The following LINGO2 variants were observed in gnomAD, a reference collection of about 807,000 sequenced individuals.
The protein encoded by LINGO2 is leucine rich repeat and Ig domain containing 2.
In LINGO2, 14 loss-of-function variants were observed where a neutral mutation model predicts 30.6. The ratio of observed to expected loss-of-function variants is 0.46; its 90% CI spans 0.30 to 0.72. The LOEUF is 0.72. LINGO2 is among the 30% of genes least tolerant of loss of function. LINGO2 has a pLI of 0.07. For synonymous variants in LINGO2, 317 were observed against 288.5 expected, an observed-to-expected ratio of 1.10 and a Z score of -1.00; for missense variants, 729 against 751.7, an observed-to-expected ratio of 0.97 and a Z score of 0.35.
At chr9:27,976,675 G>T (rs896488333) in intron 5 of LINGO2, among the ~76,000 whole-genome samples, 6 of 151,846 alleles carry the variant, frequency 4.0e-5, no homozygotes, top group Non-Finnish European at 5.9e-5. Flanking sequence ...CTCTACTTTT[G>T]CCCACTATAC....
intron 4 of LINGO2, among the ~76,000 whole-genome samples, chr9:28,028,991 G>A (rs1332664028): frequency 8.5e-5 from 13 of 152,140 alleles, no homozygotes; most frequent in Non-Finnish European, 1.5e-5. Context: ...CTTATTGGGT[G>A]CTTCTTAGGG....
In LINGO2 at chr9:28,308,725, A is replaced by C. The variant is rs947845831; in HGVS notation, c.-245-13359T>G. On this transcript the variant is annotated intron_variant, in intron 3 of 5. Coordinates refer to ENST00000379992, the Ensembl canonical transcript of LINGO2. The stretch of plus-strand genomic sequence containing the variant: ...TCCAGAATCTACAATGAACTCAAAC[A>C]AATTTACAAGAAAAAAACAAACAAC... Among the ~76,000 whole-genome samples, 15 of 151,666 alleles carry C rather than the reference A, an allele frequency of 9.9e-5. 1 individual carries two copies. Among genetic ancestry groups the C allele is most frequent in the East Asian group, 2.0e-4 (1 of 5,082 alleles).
At chr9:29,147,088 G>A in the LINGO2 span, among the ~76,000 whole-genome samples, 4 of 152,070 alleles carry the variant, frequency 2.6e-5, no homozygotes, top group Admixed American at 2.0e-4. Context: ...AATGAGAATT[G>A]TAAAGCATGT....
At chr9:28,739,074 G>T in the LINGO2 span, among the ~76,000 whole-genome samples, 1 of 151,832 alleles carries the variant, frequency 6.6e-6, no homozygotes, top group Non-Finnish European at 1.5e-5. Context: ...ATTTATAAAA[G>T]TCCATTCCAA....
At chr9:28,127,287 G>A (rs1230855324) in intron 4 of LINGO2, among the ~76,000 whole-genome samples, 1 of 152,116 alleles carries the variant, frequency 6.6e-6, no homozygotes, top group African/African-American at 2.4e-5. Flanking sequence ...CGGGGCCTTG[G>A]AGTGTTTGCT....
chr9:28,489,036 C>A (rs1826282534), intron 1 of LINGO2, among the ~76,000 whole-genome samples: 1 of 152,220 alleles, frequency 6.6e-6, no homozygotes, highest in East Asian at 1.9e-4. Context: ...TCAAGAACTG[C>A]AAAGATGTTT....
At chr9:28,954,702 CTCCCAT>C in the LINGO2 span, among the ~76,000 whole-genome samples, 1 of 152,166 alleles carries the variant, frequency 6.6e-6, no homozygotes, top group Non-Finnish European at 1.5e-5. Context: ...ATCTTGGGAA[CTCCCAT>C]GGTACACGGA....
the LINGO2 span, among the ~76,000 whole-genome samples, chr9:28,914,418 A>G: frequency 6.6e-6 from 1 of 152,238 alleles, no homozygotes; most frequent in South Asian, 2.1e-4. Context: ...ACCTATATCA[A>G]GAAGCATTTA....
the LINGO2 span, among the ~76,000 whole-genome samples, chr9:29,189,239 C>T: frequency 6.6e-6 from 1 of 151,210 alleles, no homozygotes; most frequent in Admixed American, 6.6e-5. Context: ...GAGCCCCTCA[C>T]CTCCCGGACG....
At chr9:29,043,594 TC>T in the LINGO2 span, among the ~76,000 whole-genome samples, 1 of 152,034 alleles carries the variant, frequency 6.6e-6, no homozygotes, top group Non-Finnish European at 1.5e-5. Flanking sequence ...GGCATGCATT[TC>T]ATTATTACTA....
the LINGO2 span, among the ~76,000 whole-genome samples, chr9:29,191,731 C>G: frequency 6.6e-6 from 1 of 152,090 alleles, no homozygotes; most frequent in African/African-American, 2.4e-5. Context: ...ATGCATGTTT[C>G]GCTATTCACT....
At chr9:29,157,539 T>C in the LINGO2 span, among the ~76,000 whole-genome samples, 2 of 152,180 alleles carry the variant, frequency 1.3e-5, no homozygotes, top group African/African-American at 4.8e-5. Flanking sequence ...GCAATTTCCA[T>C]TAGGCCTAGA....
chr9:28,834,362 T>C, the LINGO2 span, among the ~76,000 whole-genome samples: 1 of 152,216 alleles, frequency 6.6e-6, no homozygotes, highest in Non-Finnish European at 1.5e-5. Flanking sequence ...TAATTCTTAA[T>C]GTGAATTTCC....
At chr9:28,484,676 C>T (rs1003441980) in intron 1 of LINGO2, among the ~76,000 whole-genome samples, 1 of 151,966 alleles carries the variant, frequency 6.6e-6, no homozygotes, top group African/African-American at 2.4e-5. Flanking sequence ...ACATGGAACA[C>T]CATGAGAATA....
chr9:29,078,265 T>C, the LINGO2 span, among the ~76,000 whole-genome samples: 1 of 151,936 alleles, frequency 6.6e-6, no homozygotes, highest in Admixed American at 6.6e-5. Context: ...ATTTAGTTAG[T>C]GCTGAATGGA....
At chr9:28,321,565 T>A (rs944351253) in intron 3 of LINGO2, among the ~76,000 whole-genome samples, 3 of 152,106 alleles carry the variant, frequency 2.0e-5, no homozygotes, top group African/African-American at 7.2e-5. Context: ...CTAAAGAGAA[T>A]GTACTGGAAA....
chr9:29,192,511 C>T, the LINGO2 span, among the ~76,000 whole-genome samples: 1 of 152,002 alleles, frequency 6.6e-6, no homozygotes, highest in Non-Finnish European at 1.5e-5. Flanking sequence ...AGAAACACAA[C>T]TAATCTCTTA....
At chr9:28,436,041 A>T (rs1823907785) in intron 2 of LINGO2, among the ~76,000 whole-genome samples, 2 of 152,120 alleles carry the variant, frequency 1.3e-5, no homozygotes, top group Non-Finnish European at 2.9e-5. Context: ...CAAGATTACT[A>T]ACTTGGGGGT....
chr9:28,085,799 G>T (rs1466224445), intron 4 of LINGO2, among the ~76,000 whole-genome samples: 1 of 152,060 alleles, frequency 6.6e-6, no homozygotes, highest in Non-Finnish European at 1.5e-5. Flanking sequence ...ATAGTGTGTG[G>T]TTAACACATG....
Sources: gnomAD v4.1 joint callset for allele counts (sites outside exome capture counted in the v4.1 genomes callset) on GRCh38, gnomAD v4.1.1 for gene constraint, MANE v1.5 for transcripts, NCBI Gene and HGNC (gene_info 2026-07-23, HGNC 2026-07-21) for gene names.